The following CCNY variants were observed in gnomAD, a reference collection of about 807,000 sequenced individuals.
CCNY encodes the protein cyclin-Y.
Under a neutral mutation model 42.8 loss-of-function variants are expected in CCNY, and 19 were observed. That is an observed-to-expected ratio of 0.44 (90% CI 0.31 to 0.65). CCNY has a LOEUF of 0.65. Among genes scored for constraint, CCNY ranks in the 30% least tolerant of loss-of-function variants. CCNY has a pLI of 0.07. For missense variants in CCNY, 370 were observed against 437.3 expected (o/e 0.85, Z 1.37); for synonymous variants, 165 against 162.7 (o/e 1.01, Z -0.11).
At chr10:35,545,532 C>T (rs931272609) in intron 7 of CCNY, among the ~76,000 whole-genome samples, 1 of 152,156 alleles carries the variant, frequency 6.6e-6, no homozygotes, top group Non-Finnish European at 1.5e-5. Context: ...ATGTAAGGGC[C>T]CCAATCATAT....
chr10:35,437,662 A>G (rs894064045), intron 1 of CCNY, among the ~76,000 whole-genome samples: 3 of 148,358 alleles, frequency 2.0e-5, no homozygotes, highest in African/African-American at 7.4e-5. Context: ...ACTCTGTCTC[A>G]AAAAAAAAAC....
At chr10:35,441,631 C>T (rs1838671648) in intron 1 of CCNY, among the ~76,000 whole-genome samples, 1 of 152,142 alleles carries the variant, frequency 6.6e-6, no homozygotes, top group Admixed American at 6.6e-5. Context: ...GCCTGTAGTC[C>T]TAGCTACTTG....
intron 3 of CCNY, among the ~76,000 whole-genome samples, chr10:35,257,139 T>C (rs750322510): frequency 2.0e-5 from 3 of 152,190 alleles, no homozygotes; most frequent in Non-Finnish European, 1.5e-5. Context: ...TCACACTGTA[T>C]GACTTTCTTG....
At chr10:35,312,682 G>C (rs1564365737) in intron 3 of CCNY, among the ~76,000 whole-genome samples, 1 of 151,698 alleles carries the variant, frequency 6.6e-6, no homozygotes, top group Non-Finnish European at 1.5e-5. Flanking sequence ...CATCTTCAGA[G>C]GGCACTATGC....
chr10:35,362,931 A>G (rs916529065), intron 1 of CCNY, among the ~76,000 whole-genome samples: 2 of 148,022 alleles, frequency 1.4e-5, no homozygotes, highest in African/African-American at 2.5e-5. Context: ...GGCGATCCTC[A>G]CTTCCCAGAT....
At chr10:35,465,244 T>C (rs1251146417) in intron 1 of CCNY, among the ~76,000 whole-genome samples, 1 of 152,178 alleles carries the variant, frequency 6.6e-6, no homozygotes. Flanking sequence ...CGTGTCCTAA[T>C]GTGGTACTGA....
chr10:35,272,487 T>A (rs1835183041), intron 3 of CCNY, among the ~76,000 whole-genome samples: 2 of 152,238 alleles, frequency 1.3e-5, no homozygotes, highest in African/African-American at 4.8e-5. Context: ...GTTCTCATCA[T>A]TTAGCTCCCA....
At chr10:35,556,774 T>C (rs1291341498) in intron 8 of CCNY, among the ~76,000 whole-genome samples, 2 of 152,096 alleles carry the variant, frequency 1.3e-5, no homozygotes, top group South Asian at 4.1e-4. Context: ...GTGACCACAA[T>C]AGTGGAGGTC....
intron 1 of CCNY, among the ~76,000 whole-genome samples, chr10:35,414,917 C>T (rs1033766450): frequency 1.3e-5 from 2 of 152,156 alleles, no homozygotes; most frequent in South Asian, 2.1e-4. Flanking sequence ...CTTGTCAAGC[C>T]GTGCTTTGAG....
In CCNY at chr10:35,444,724, G is replaced by A. The variant is rs183052505; in HGVS notation, c.155-38680G>A. Among the ~76,000 whole-genome samples, 455 of 152,348 alleles carry A rather than the reference G, an allele frequency of 3.0e-3. 16 individuals carry two copies. Among genetic ancestry groups the A allele is most frequent in the Admixed American group, 0.027 (417 of 15,308 alleles). ...TCTGTTGACCAAAACGTTACGCAGT[G>A]CATGACTGAATTTTTGTTTTAAAAT... On this transcript the variant is annotated intron_variant, in intron 1 of 9. Transcript: ENST00000374704.
intron 3 of CCNY, among the ~76,000 whole-genome samples, chr10:35,308,748 C>T (rs893203011): frequency 6.6e-6 from 1 of 152,098 alleles, no homozygotes; most frequent in Non-Finnish European, 1.5e-5. Context: ...AGAAGGCAGC[C>T]AGACAAAAGG....
intron 3 of CCNY, among the ~76,000 whole-genome samples, chr10:35,263,572 G>C (rs534820856): frequency 6.6e-6 from 1 of 151,294 alleles, no homozygotes; most frequent in African/African-American, 2.4e-5. Context: ...AAAGAAAAAG[G>C]GGAGGGGAGG....
intron 3 of CCNY, among the ~76,000 whole-genome samples, chr10:35,326,816 G>A (rs537184443): frequency 6.6e-6 from 1 of 152,288 alleles, no homozygotes; most frequent in African/African-American, 2.4e-5. Flanking sequence ...TGGAACCCAG[G>A]GGTTGGAGGC....
chr10:35,336,942 A>G lies in CCNY; in HGVS notation c.-112A>G, dbSNP rs1253286355. ...CGTTCCGCCCCCTCCCGTGGCGGCG[A>G]GCGGGCGGGCCTCCCCACACGCCCC... On this transcript the variant is annotated 5_prime_UTR_variant, in exon 1 of 10. Transcript: ENST00000374704. 1.3e-6 allele frequency: 1 copy of G among 759,148 alleles called. No homozygotes were observed. Among genetic ancestry groups the G allele is most frequent in the Non-Finnish European group, 1.7e-6 (1 of 593,036 alleles). 47.0% of individuals were successfully genotyped at this position (759,148 alleles called of 1,614,324 possible). A position where few individuals can be genotyped will look rare whatever the true frequency, so the allele number is the denominator to read the frequency against.
chr10:35,306,846 A>G (rs1835612134), intron 3 of CCNY, among the ~76,000 whole-genome samples: 1 of 152,122 alleles, frequency 6.6e-6, no homozygotes, highest in Admixed American at 6.6e-5. Flanking sequence ...GTTTTATCTT[A>G]GGGGGCCAGG....
At chr10:35,277,046 A>G (rs1046187673) in intron 3 of CCNY, among the ~76,000 whole-genome samples, 10 of 152,164 alleles carry the variant, frequency 6.6e-5, no homozygotes, top group Admixed American at 6.5e-4. Context: ...CATCTCATGC[A>G]TATTCTAGCT....
At chr10:35,270,613 T>G (rs1201634348) in intron 3 of CCNY, among the ~76,000 whole-genome samples, 1 of 152,080 alleles carries the variant, frequency 6.6e-6, no homozygotes, top group African/African-American at 2.4e-5. Flanking sequence ...TTGCCCAGAG[T>G]CCACAACAAC....
chr10:35,529,891 T>C, intron 5 of CCNY, 82 bp from the exon 6 acceptor site: 2 of 1,327,124 alleles, frequency 1.5e-6, no homozygotes, highest in Non-Finnish European at 2.1e-6. Flanking sequence ...AAAAAAGTCA[T>C]TGAATTAAAA....
intron 3 of CCNY, among the ~76,000 whole-genome samples, chr10:35,252,558 T>C (rs1588999308): frequency 2.1e-5 from 2 of 97,078 alleles, no homozygotes; most frequent in African/African-American, 4.4e-5. Flanking sequence ...AGAGCAAGAC[T>C]CCGTCTCAAA....
Sources: allele counts gnomAD v4.1 joint callset (sites outside exome capture counted in the v4.1 genomes callset), GRCh38; gene constraint gnomAD v4.1.1; transcripts MANE v1.5; gene names NCBI Gene and HGNC (gene_info 2026-07-23, HGNC 2026-07-21).